The following ERBIN variants were observed in gnomAD, a reference collection of about 807,000 sequenced individuals.
The protein encoded by ERBIN is erbb2 interacting protein.
Under a neutral mutation model 158.4 loss-of-function variants are expected in ERBIN, and 60 were observed. That is an observed-to-expected ratio of 0.38 (90% CI 0.31 to 0.47). The LOEUF (loss-of-function observed/expected upper bound fraction) is 0.47. Ranked by LOEUF, ERBIN falls within the 20% of genes least tolerant of loss-of-function variation. ERBIN has a pLI of 0.99. For synonymous variants in ERBIN, 594 were observed against 557.2 expected, an observed-to-expected ratio of 1.07 and a Z score of -0.93; for missense variants, 1,610 against 1,648.0, an observed-to-expected ratio of 0.98 and a Z score of 0.40.
intron 15 of ERBIN, among the ~76,000 whole-genome samples, chr5:66,040,579 G>A (rs188147448): frequency 9.3e-4 from 141 of 151,918 alleles, no homozygotes; most frequent in African/African-American, 3.3e-3. Flanking sequence ...TATCCCATGG[G>A]TATTATAAAC....
At chr5:66,005,809 A>C (rs1753527175) in intron 4 of ERBIN, among the ~76,000 whole-genome samples, 1 of 152,224 alleles carries the variant, frequency 6.6e-6, no homozygotes, top group Non-Finnish European at 1.5e-5. Flanking sequence ...CTTCAAAGGG[A>C]ATAAAATACC....
At chr5:66,051,907 A>AAAAAAAAAAAAAAAG (rs1554065281) in intron 20 of ERBIN, among the ~76,000 whole-genome samples, 1 of 148,770 alleles carries the variant, frequency 6.7e-6, no homozygotes, top group African/African-American at 2.6e-5. Flanking sequence ...AAAAAAAAAA[A>AAAAAAAAAAAAAAAG]AGAGACAGAT....
At chr5:65,940,487 C>A (rs1166367253) in intron 1 of ERBIN, among the ~76,000 whole-genome samples, 2 of 129,034 alleles carry the variant, frequency 1.5e-5, no homozygotes, top group African/African-American at 6.4e-5. Flanking sequence ...CCCCCCCCCC[C>A]CGGCCAGCCG....
chr5:65,988,386 AAGCT>A (rs1281986851), intron 1 of ERBIN, among the ~76,000 whole-genome samples: 4 of 151,656 alleles, frequency 2.6e-5, no homozygotes, highest in Non-Finnish European at 5.9e-5. Context: ...AAAAAAAAAA[AAGCT>A]AGTCATTTAT....
chr5:65,979,125 A>G (rs747981366), intron 1 of ERBIN, among the ~76,000 whole-genome samples: 1 of 152,134 alleles, frequency 6.6e-6, no homozygotes, highest in Non-Finnish European at 1.5e-5. Flanking sequence ...CCTGGGAAAT[A>G]ACACTTAAAA....
At chr5:65,937,704 C>G (rs1165311987) in intron 1 of ERBIN, among the ~76,000 whole-genome samples, 1 of 152,082 alleles carries the variant, frequency 6.6e-6, no homozygotes, top group Non-Finnish European at 1.5e-5. Context: ...GTCAGGAGAT[C>G]GAGACCATCC....
chr5:66,025,076 G>C (rs1756092269), intron 10 of ERBIN, among the ~76,000 whole-genome samples: 1 of 151,946 alleles, frequency 6.6e-6, no homozygotes. Flanking sequence ...AGTATATATG[G>C]AATAGTTTTT....
chr5:65,973,898 T>C (rs759101861), intron 1 of ERBIN, among the ~76,000 whole-genome samples: 2 of 151,308 alleles, frequency 1.3e-5, no homozygotes, highest in Admixed American at 6.6e-5. Context: ...GCTGACTAAA[T>C]AGAATTAGGG....
At chr5:65,941,598 TTA>T (rs1472175712) in intron 1 of ERBIN, among the ~76,000 whole-genome samples, 3 of 151,486 alleles carry the variant, frequency 2.0e-5, no homozygotes, top group African/African-American at 7.4e-5. Context: ...GAGCCTTTAT[TTA>T]ATTATTGTAG....
At chr5:65,945,547 C>T (rs1745638949) in intron 1 of ERBIN, among the ~76,000 whole-genome samples, 1 of 152,194 alleles carries the variant, frequency 6.6e-6, no homozygotes. Context: ...GTATTTCAAA[C>T]ACTGCACCCT....
chr5:66,019,996 G>GGAGAAAGATCGT (rs1755516872), intron 7 of ERBIN, among the ~76,000 whole-genome samples: 1 of 152,044 alleles, frequency 6.6e-6, no homozygotes. Context: ...TTATACATCT[G>GGAGAAAGATCGT]GAGAAAGATC....
chr5:66,002,075 T>C (rs1753065044), intron 4 of ERBIN, among the ~76,000 whole-genome samples: 1 of 152,198 alleles, frequency 6.6e-6, no homozygotes. Context: ...TTTGATTTTC[T>C]GTTCCTGTGT....
intron 1 of ERBIN, among the ~76,000 whole-genome samples, chr5:65,943,669 A>G (rs886687055): frequency 6.6e-5 from 10 of 152,194 alleles, no homozygotes; most frequent in African/African-American, 2.4e-4. Context: ...CTTTGGATTT[A>G]TATATTTTTC....
intron 17 of ERBIN, among the ~76,000 whole-genome samples, chr5:66,045,122 G>A (rs1758299322): frequency 6.6e-6 from 1 of 151,982 alleles, no homozygotes; most frequent in African/African-American, 2.4e-5. Flanking sequence ...GGAGACTTGA[G>A]GTGAGAGGAT....
chr5:66,076,106 T>C (rs1761965237), intron 23 of ERBIN: 1 of 530,566 alleles, frequency 1.9e-6, no homozygotes, highest in Admixed American at 3.8e-5. Flanking sequence ...GAGCTATGCT[T>C]TATATAATCC....
At chr5:65,939,204 T>C (rs1345797698) in intron 1 of ERBIN, among the ~76,000 whole-genome samples, 3 of 152,086 alleles carry the variant, frequency 2.0e-5, no homozygotes, top group African/African-American at 4.8e-5. Flanking sequence ...TTTGGGAGGC[T>C]GAGGCGGGTG....
intron 7 of ERBIN, among the ~76,000 whole-genome samples, chr5:66,016,429 T>C (rs1754722024): frequency 1.3e-5 from 2 of 152,342 alleles, no homozygotes; most frequent in South Asian, 4.1e-4. Flanking sequence ...TTTTAAGATA[T>C]GATTGTAGCC....
At chr5:66,060,188 A>C (rs1271754149) in intron 21 of ERBIN, among the ~76,000 whole-genome samples, 1 of 152,060 alleles carries the variant, frequency 6.6e-6, no homozygotes, top group Non-Finnish European at 1.5e-5. Flanking sequence ...TTGGTTGGTA[A>C]GCTATTAATT....
intron 1 of ERBIN, among the ~76,000 whole-genome samples, chr5:65,982,894 G>T (rs1034906074): frequency 6.6e-6 from 1 of 152,194 alleles, no homozygotes; most frequent in Non-Finnish European, 1.5e-5. Flanking sequence ...AGGACAGGCT[G>T]TCTTGGTCAG....
Sources: gnomAD v4.1 joint callset for allele counts (sites outside exome capture counted in the v4.1 genomes callset) on GRCh38, gnomAD v4.1.1 for gene constraint, MANE v1.5 for transcripts, NCBI Gene and HGNC (gene_info 2026-07-23, HGNC 2026-07-21) for gene names.